The following MSRA variants were observed in gnomAD, a reference collection of about 807,000 sequenced individuals.
MSRA encodes mitochondrial peptide methionine sulfoxide reductase.
In MSRA, 54 loss-of-function variants were observed where a neutral mutation model predicts 31.3. The observed-to-expected ratio is 1.73, with a 90% CI of 1.39 to 2.17. MSRA has a LOEUF of 2.17. Among genes scored for constraint, MSRA ranks in the 30% most tolerant of loss-of-function variants. The probability of loss-of-function intolerance (pLI) is 0.00; values close to 1 mark genes in which losing one functional copy is unlikely to be tolerated. For synonymous variants in MSRA, 169 were observed against 116.5 expected, an observed-to-expected ratio of 1.45 and a Z score of -2.90; for missense variants, 507 against 300.9, an observed-to-expected ratio of 1.69 and a Z score of -5.07.
rs566725196 is a variant in MSRA at position 10,319,797 on chromosome 8, T to C, written c.437-86T>C. ...AGGCACAGGGACCATATGAAAAGTG[T>C]CAAAATGTCTCAGCATTGTGCCCAG... On this transcript the variant is annotated intron_variant, in intron 4 of 5. Coordinates refer to ENST00000317173, the MANE Select transcript of MSRA (RefSeq NM_012331.5). 2.3e-5 allele frequency: 16 copies of C among 689,450 alleles called. No homozygotes were observed. In the African/African-American group the frequency reaches 2.6e-4, roughly 11 times the overall value. The allele number at this position is 689,450 out of a possible 1,614,324, so 42.7% of individuals were successfully genotyped here. A position where few individuals can be genotyped will look rare whatever the true frequency, so the allele number is the denominator to read the frequency against.
chr8:10,091,215 G>C (rs971766772), intron 1 of MSRA, among the ~76,000 whole-genome samples: 1 of 152,002 alleles, frequency 6.6e-6, no homozygotes, highest in Non-Finnish European at 1.5e-5. Context: ...ATCTATATTC[G>C]TAACGATATT....
At chr8:10,307,202 T>C (rs1250631881) in intron 4 of MSRA, among the ~76,000 whole-genome samples, 1 of 150,200 alleles carries the variant, frequency 6.7e-6, no homozygotes, top group Admixed American at 6.7e-5. Context: ...ATGGTCTTGC[T>C]CTGTCACCTA....
intron 1 of MSRA, among the ~76,000 whole-genome samples, chr8:10,102,896 C>G (rs983643205): frequency 5.9e-5 from 9 of 152,150 alleles, no homozygotes; most frequent in African/African-American, 1.9e-4. Context: ...GGTGCAGTAA[C>G]CTGGACAGTG....
intron 3 of MSRA, among the ~76,000 whole-genome samples, chr8:10,289,842 G>T (rs1800137798): frequency 6.6e-6 from 1 of 152,182 alleles, no homozygotes; most frequent in Non-Finnish European, 1.5e-5. Context: ...TACTAACATA[G>T]ATCCTAAACA....
intron 1 of MSRA, among the ~76,000 whole-genome samples, chr8:10,067,874 G>GTTTTTTTTTTTTTTTTTTTTTT (rs71203303): frequency 4.1e-5 from 2 of 49,368 alleles, no homozygotes; most frequent in African/African-American, 1.1e-4. Flanking sequence ...TTCTTACTGA[G>GTTTTTTTTTTTTTTTTTTTTTT]TTTTTTTTTT....
At chr8:10,260,994 A>C (rs1422199140) in intron 3 of MSRA, among the ~76,000 whole-genome samples, 7 of 152,150 alleles carry the variant, frequency 4.6e-5, no homozygotes. Context: ...GGAAATAGTT[A>C]CTTGTAAAAT....
At chr8:10,426,655 C>T (rs1036455631) in intron 5 of MSRA, among the ~76,000 whole-genome samples, 2 of 152,222 alleles carry the variant, frequency 1.3e-5, no homozygotes, top group Non-Finnish European at 2.9e-5. Flanking sequence ...TCCGCCTGTG[C>T]GGTACGAGGG....
At chr8:10,176,248 G>A (rs953856305) in intron 1 of MSRA, among the ~76,000 whole-genome samples, 6 of 152,234 alleles carry the variant, frequency 3.9e-5, no homozygotes, top group African/African-American at 1.4e-4. Context: ...CCTGCCTGTG[G>A]AAAAGTCCTC....
rs1313780794 is a variant in MSRA, at chr8:10,077,820, GACT to G, written c.142+23163_142+23165del. On this transcript the variant is annotated intron_variant, in intron 1 of 5. Transcript: ENST00000317173. ...ATTTCTTGCTATCCATTTAGGAGGA[GACT>G]GTTGGTGTCCATTGGTCCCATTTAC... Among the ~76,000 whole-genome samples, 3 of 152,166 alleles carry G rather than the reference GACT, an allele frequency of 2.0e-5. No individual in the cohort carries two copies. In the East Asian group the frequency reaches 5.8e-4, roughly 29 times the overall value.
chr8:10,301,440 T>C (rs1800837545), intron 3 of MSRA, 94 bp from the exon 4 acceptor site: 1 of 909,778 alleles, frequency 1.1e-6, no homozygotes, highest in Middle Eastern at 2.2e-4. Context: ...GGGTAGAGTT[T>C]CAGCTTTTGT....
chr8:10,297,576 G>A lies in MSRA; in HGVS notation c.332-3958G>A, dbSNP rs182927062. On this transcript the variant is annotated intron_variant, in intron 3 of 5. Transcript: ENST00000317173. ...GTTCCTGTAAAGTGTGGGCATTTCTGTAAGTGGTTCTGAGTCCCTTAATCC... is the reference window on the plus strand; with the variant it reads ...GTTCCTGTAAAGTGTGGGCATTTCTATAAGTGGTTCTGAGTCCCTTAATCC... Among the ~76,000 whole-genome samples the A allele has an allele frequency of 6.7e-3, 1,016 of 152,276 alleles. 5 individuals are homozygous for A. The highest frequency in any genetic ancestry group is 9.1e-3 in the Non-Finnish European group (621 of 68,012).
chr8:10,200,891 T>A (rs1214083820), intron 1 of MSRA, among the ~76,000 whole-genome samples: 2 of 152,108 alleles, frequency 1.3e-5, no homozygotes, highest in Non-Finnish European at 2.9e-5. Flanking sequence ...CCTTAGCATC[T>A]GCGGAGAGGA....
At chr8:10,293,319 A>G (rs1294954894) in intron 3 of MSRA, among the ~76,000 whole-genome samples, 1 of 152,122 alleles carries the variant, frequency 6.6e-6, no homozygotes, top group African/African-American at 2.4e-5. Context: ...CTTTGCAACA[A>G]CAAAGATGAG....
intron 3 of MSRA, among the ~76,000 whole-genome samples, chr8:10,284,583 C>G (rs986607908): frequency 1.3e-5 from 2 of 152,204 alleles, no homozygotes; most frequent in Non-Finnish European, 2.9e-5. Flanking sequence ...ACATTGGATT[C>G]ATGTCCATTA....
At chr8:10,080,135 G>A (rs1798217682) in intron 1 of MSRA, among the ~76,000 whole-genome samples, 1 of 152,080 alleles carries the variant, frequency 6.6e-6, no homozygotes, top group South Asian at 2.1e-4. Context: ...TGAGGCAAAG[G>A]CAGAGAAAGA....
intron 1 of MSRA, among the ~76,000 whole-genome samples, chr8:10,099,168 C>T (rs1189404366): frequency 6.6e-6 from 1 of 152,076 alleles, no homozygotes; most frequent in East Asian, 1.9e-4. Context: ...TGCAGTTGTT[C>T]TCTGATACAA....
At chr8:10,280,110 G>A (rs1427085641) in intron 3 of MSRA, among the ~76,000 whole-genome samples, 1 of 152,082 alleles carries the variant, frequency 6.6e-6, no homozygotes, top group Non-Finnish European at 1.5e-5. Flanking sequence ...AGTTTTTGCA[G>A]TGTTTTTCTT....
At chr8:10,351,371 A>G (rs1804136648) in intron 5 of MSRA, among the ~76,000 whole-genome samples, 1 of 145,594 alleles carries the variant, frequency 6.9e-6, no homozygotes. Context: ...CTCCTGCTCC[A>G]GCCTCCCAGG....
intron 1 of MSRA, among the ~76,000 whole-genome samples, chr8:10,198,453 A>C (rs1357245615): frequency 6.6e-6 from 1 of 152,140 alleles, no homozygotes; most frequent in Non-Finnish European, 1.5e-5. Flanking sequence ...CTGTGTCACA[A>C]ATTTATTCTC....
Sources: allele counts gnomAD v4.1 joint callset (sites outside exome capture counted in the v4.1 genomes callset), GRCh38; gene constraint gnomAD v4.1.1; transcripts MANE v1.5; gene names NCBI Gene and HGNC (gene_info 2026-07-23, HGNC 2026-07-21).